Variants in ROBO1 observed in about 807,000 individuals in gnomAD.
The protein encoded by ROBO1 is roundabout homolog 1.
In ROBO1, 149 loss-of-function variants were observed where a neutral mutation model predicts 195.9. The ratio of observed to expected loss-of-function variants is 0.76; its 90% CI spans 0.67 to 0.87. ROBO1 has a LOEUF of 0.87. Among genes scored for constraint, ROBO1 ranks in the 40% least tolerant of loss-of-function variants. The pLI is 0.00. For missense variants in ROBO1, 1,933 were observed against 2,068.3 expected (o/e 0.93, Z 1.27); for synonymous variants, 816 against 733.2 (o/e 1.11, Z -1.82).
At chr3:79,539,948 T>C (rs1253940676) in intron 2 of ROBO1, among the ~76,000 whole-genome samples, 1 of 151,928 alleles carries the variant, frequency 6.6e-6, no homozygotes, top group Admixed American at 6.6e-5. Context: ...ACCCCCAAGT[T>C]GGACTTGAAT....
chr3:78,867,999 T>A (rs1209535091), intron 4 of ROBO1, among the ~76,000 whole-genome samples: 3 of 152,142 alleles, frequency 2.0e-5, no homozygotes, highest in Non-Finnish European at 4.4e-5. Flanking sequence ...GGAGGAAAGT[T>A]TCCCTGCTGA....
At chr3:79,656,908 A>G (rs1215028802) in intron 1 of ROBO1, among the ~76,000 whole-genome samples, 2 of 151,506 alleles carry the variant, frequency 1.3e-5, no homozygotes, top group Non-Finnish European at 2.9e-5. Flanking sequence ...AAGAAAAAAA[A>G]TAATGCTCTT....
Position 79,589,865 on chromosome 3 carries a change from C to T in ROBO1, c.47G>A (p.Ser16Asn), listed in dbSNP as rs755135103. 7.4e-6 allele frequency: 12 copies of T among 1,611,018 alleles called. No homozygotes were observed. Among genetic ancestry groups the T allele is most frequent in the South Asian group, 1.1e-5 (1 of 90,962 alleles). The change falls in exon 2 of 31, where the codon AGC becomes AAC. Residue 16 changes from serine (S) to asparagine (N), a missense_variant. By Grantham distance (46) the Ser-to-Asn change is conservative. Around this residue, in one of 3 missense-constraint regions of ROBO1, gnomAD observed 185 missense variants for 159.5 expected, o/e 1.16. Coordinates refer to ENST00000464233, the MANE Select transcript of ROBO1 (RefSeq NM_002941.4). Reference sequence around the variant, plus strand: ...CAGAAACAGGTGATTTGGGGATAAGCTGAGGAGTGATATCATGACCAAAAA... The same window carrying T: ...CAGAAACAGGTGATTTGGGGATAAGTTGAGGAGTGATATCATGACCAAAAA... ...VPFLVMISLL[S>N]LSPNHLFLAQ...
At chr3:78,645,149 C>A (rs1706197405) in intron 21 of ROBO1, among the ~76,000 whole-genome samples, 1 of 152,130 alleles carries the variant, frequency 6.6e-6, no homozygotes, top group South Asian at 2.1e-4. Context: ...TTAGCAATAC[C>A]CAGGAAAGAA....
At chr3:79,502,188 CT>C (rs1270458015) in intron 2 of ROBO1, among the ~76,000 whole-genome samples, 2 of 152,242 alleles carry the variant, frequency 1.3e-5, no homozygotes, top group African/African-American at 4.8e-5. Context: ...CGCCGCTGCA[CT>C]GTGGGAGCCC....
intron 29 of ROBO1, 32 bp from the exon 30 acceptor site, chr3:78,600,341 G>C (rs1448145183): frequency 7.3e-7 from 1 of 1,361,754 alleles, no homozygotes; most frequent in African/African-American, 1.4e-5. Flanking sequence ...ATGCAGGTGA[G>C]TACCATCATA....
intron 2 of ROBO1, among the ~76,000 whole-genome samples, chr3:79,522,739 T>C (rs1268793621): frequency 6.6e-6 from 1 of 152,208 alleles, no homozygotes; most frequent in Non-Finnish European, 1.5e-5. Flanking sequence ...AGCATTTATA[T>C]TCAAAGATGA....
intron 1 of ROBO1, among the ~76,000 whole-genome samples, chr3:79,647,778 G>A (rs545726799): frequency 6.6e-6 from 1 of 152,046 alleles, no homozygotes; most frequent in South Asian, 2.1e-4. Flanking sequence ...GATACAGCAG[G>A]TCCTCAAATA....
chr3:78,645,720 T>A (rs1706236982), intron 21 of ROBO1, among the ~76,000 whole-genome samples: 1 of 152,122 alleles, frequency 6.6e-6, no homozygotes, highest in Admixed American at 6.6e-5. Context: ...GTGAACTATG[T>A]TGAATTCATA....
intron 3 of ROBO1, among the ~76,000 whole-genome samples, chr3:78,944,736 A>C (rs749748175): frequency 6.6e-6 from 1 of 152,226 alleles, no homozygotes; most frequent in Non-Finnish European, 1.5e-5. Flanking sequence ...CAGGAAGCGC[A>C]AGGGGTCAGG....
intron 2 of ROBO1, among the ~76,000 whole-genome samples, chr3:79,209,929 C>T (rs188230766): frequency 8.5e-5 from 13 of 152,176 alleles, no homozygotes; most frequent in Non-Finnish European, 1.5e-4. Flanking sequence ...AGAATTCAAT[C>T]CCCTTTTTTA....
intron 2 of ROBO1, among the ~76,000 whole-genome samples, chr3:79,429,563 C>A (rs1269252012): frequency 2.6e-5 from 4 of 152,034 alleles, no homozygotes; most frequent in Non-Finnish European, 4.4e-5. Context: ...ACAAAATAAA[C>A]AAACAAACAA....
At chr3:78,781,501 CTG>C in intron 4 of ROBO1, among the ~76,000 whole-genome samples, 1 of 152,256 alleles carries the variant, frequency 6.6e-6, no homozygotes, top group Non-Finnish European at 1.5e-5. Context: ...TTTATTTTCT[CTG>C]TGCTCAGGGG....
intron 2 of ROBO1, among the ~76,000 whole-genome samples, chr3:79,563,746 A>G (rs1476810139): frequency 6.6e-6 from 1 of 152,114 alleles, no homozygotes; most frequent in Non-Finnish European, 1.5e-5. Flanking sequence ...ACAATTTTAC[A>G]TAAAACATCT....
At chr3:79,188,350 G>A (rs1196387143) in intron 2 of ROBO1, among the ~76,000 whole-genome samples, 1 of 151,636 alleles carries the variant, frequency 6.6e-6, no homozygotes, top group Non-Finnish European at 1.5e-5. Flanking sequence ...TAATTTTGGG[G>A]GGCACAGGAT....
chr3:79,300,319 C>T (rs111525797), intron 2 of ROBO1, among the ~76,000 whole-genome samples: 1 of 152,202 alleles, frequency 6.6e-6, no homozygotes, highest in South Asian at 2.1e-4. Context: ...TGGAGCAGCC[C>T]GCCGGCCCTG....
intron 3 of ROBO1, among the ~76,000 whole-genome samples, chr3:79,095,165 C>T (rs1680016265): frequency 6.6e-6 from 1 of 151,904 alleles, no homozygotes; most frequent in South Asian, 2.1e-4. Context: ...CTATTTTCTA[C>T]ATGTGATCAT....
chr3:79,604,364 T>C (rs1326326397), intron 1 of ROBO1, among the ~76,000 whole-genome samples: 3 of 152,070 alleles, frequency 2.0e-5, no homozygotes, highest in Non-Finnish European at 4.4e-5. Flanking sequence ...AACGGAAGCA[T>C]TTGAAATGTT....
At chr3:79,667,255 T>C (rs978385180) in intron 1 of ROBO1, among the ~76,000 whole-genome samples, 4 of 151,902 alleles carry the variant, frequency 2.6e-5, no homozygotes, top group African/African-American at 9.7e-5. Flanking sequence ...AAAATATCCA[T>C]AAAATATCAT....
Sources: gnomAD v4.1 joint callset for allele counts (sites outside exome capture counted in the v4.1 genomes callset) on GRCh38, gnomAD v4.1.1 for gene constraint, gnomAD v4.1.1 regional missense constraint, MANE v1.5 for transcripts, NCBI Gene and HGNC (gene_info 2026-07-23, HGNC 2026-07-21) for gene names.